The following WDR20 variants were observed in gnomAD, a reference collection of about 807,000 sequenced individuals.
WDR20 encodes the protein WD repeat-containing protein 20.
Under a neutral mutation model 38.7 loss-of-function variants are expected in WDR20, and 3 were observed. The observed-to-expected ratio is 0.08, with a 90% CI of 0.04 to 0.20. WDR20 has a LOEUF of 0.20. WDR20 is among the 10% of genes least tolerant of loss of function. WDR20 has a pLI of 1.00. For missense variants in WDR20, 559 were observed against 727.7 expected, an observed-to-expected ratio of 0.77 and a Z score of 2.67; for synonymous variants, 298 against 285.6, an observed-to-expected ratio of 1.04 and a Z score of -0.44.
At position 102,220,939 on chromosome 14, in the gene WDR20, T is replaced by A. The variant is rs772140337; in HGVS notation, c.1693-1891T>A. 1.3e-5 allele frequency among the ~76,000 whole-genome samples: 2 copies of A among 151,836 alleles called. No individual in the cohort carries two copies. The highest frequency in any genetic ancestry group is 4.8e-5 in the African/African-American group (2 of 41,314). On this transcript the variant is annotated intron_variant, in intron 3 of 3. Coordinates refer to the WDR20 transcript ENST00000335263. The surrounding 1 kb of genome is among the most constrained non-coding windows in gnomAD (Gnocchi z 4.2). ...CCGTGCGCCACCACACCCGGCTAAT[T>A]TTGTATTAGTAGAGATGGAGTTTCA...
intron 2 of WDR20, among the ~76,000 whole-genome samples, chr14:102,197,414 A>T (rs931031371): frequency 2.0e-5 from 3 of 152,190 alleles, no homozygotes; most frequent in African/African-American, 7.2e-5. Flanking sequence ...AAAGTTTTTT[A>T]AAATGTTAAG....
chr14:102,198,680 A>G (rs567985835), intron 2 of WDR20, among the ~76,000 whole-genome samples: 2 of 152,366 alleles, frequency 1.3e-5, no homozygotes, highest in South Asian at 4.1e-4. Context: ...TTTGTTTCTT[A>G]GCCTGAAGTA....
chr14:102,196,412 T>G (rs772706685), intron 2 of WDR20, among the ~76,000 whole-genome samples: 3 of 152,216 alleles, frequency 2.0e-5, no homozygotes, highest in Admixed American at 2.0e-4. Flanking sequence ...GCTGGATGAT[T>G]ATTTTTTTGG....
At chr14:102,141,940 C>T (rs1372489838) in intron 1 of WDR20, among the ~76,000 whole-genome samples, 3 of 152,052 alleles carry the variant, frequency 2.0e-5, no homozygotes, top group Non-Finnish European at 4.4e-5. Flanking sequence ...AATGTTATGA[C>T]TTCTGAAGCA....
intron 1 of WDR20, among the ~76,000 whole-genome samples, chr14:102,180,404 G>A (rs2063144187): frequency 6.6e-6 from 1 of 152,170 alleles, no homozygotes; most frequent in Non-Finnish European, 1.5e-5. Context: ...TCTTTAGAGT[G>A]TCTTGCACGT....
chr14:102,169,287 G>C (rs1459435033), intron 1 of WDR20, among the ~76,000 whole-genome samples: 1 of 152,100 alleles, frequency 6.6e-6, no homozygotes, highest in African/African-American at 2.4e-5. Context: ...CTTTCTCTTA[G>C]CCCTGCCCAG....
downstream of WDR20, among the ~76,000 whole-genome samples, chr14:102,211,302 G>A (rs1453538488): frequency 1.3e-5 from 2 of 152,232 alleles, no homozygotes; most frequent in African/African-American, 4.8e-5. This position sits in a 1 kb window ranked among gnomAD's most constrained non-coding sequence, Gnocchi z 4.2. Flanking sequence ...GCAAAGTGAA[G>A]ACCTGGTGGC....
At chr14:102,213,098 C>G, downstream of WDR20, 2 of 986,588 alleles carry the variant, frequency 2.0e-6, no homozygotes, top group Non-Finnish European at 2.4e-6. Context: ...AGGGGAGCTT[C>G]AACTCGCCCT....
At position 102,209,474 on chromosome 14, in the gene WDR20, T is replaced by C; in HGVS notation, c.1304T>C (p.Leu435Pro). The C allele has an allele frequency of 6.2e-7, 1 of 1,614,198 alleles. No homozygotes were observed. Among genetic ancestry groups the C allele is most frequent in the East Asian group, 2.2e-5 (1 of 44,892 alleles). ...VPPPLPRSNS[L>P]PHSAVSNAGS... ...CCTCCTCTGCCACGGTCCAACAGCCTTCCACATTCAGCAGTCTCAAATGCT... is the reference window on the plus strand; with the variant it reads ...CCTCCTCTGCCACGGTCCAACAGCCCTCCACATTCAGCAGTCTCAAATGCT... Residue 435 changes from leucine (L) to proline (P), a missense_variant, in exon 3 of 3, where the codon CTT (leucine) becomes CCT (proline). Physicochemically the swap from Leu to Pro is moderately conservative, Grantham distance 98. Transcript: ENST00000342702. The surrounding 1 kb of genome is among the most constrained non-coding windows in gnomAD (Gnocchi z 6.0).
downstream of WDR20, among the ~76,000 whole-genome samples, chr14:102,219,262 G>A (rs1188307097): frequency 6.6e-6 from 1 of 152,206 alleles, no homozygotes; most frequent in Non-Finnish European, 1.5e-5. Context: ...TTTTCCTCCT[G>A]TTGCCTCCAG....
intron 1 of WDR20, among the ~76,000 whole-genome samples, chr14:102,148,699 GTGTGTGTGTT>G (rs1360471230): frequency 8.5e-6 from 1 of 117,214 alleles, no homozygotes; most frequent in Non-Finnish European, 1.9e-5. Context: ...GTGTGTGTGT[GTGTGTGTGTT>G]TGGAACAGGG....
chr14:102,182,962 G>A (rs1209845758), intron 1 of WDR20, among the ~76,000 whole-genome samples: 1 of 151,492 alleles, frequency 6.6e-6, no homozygotes, highest in African/African-American at 2.4e-5. Context: ...TACTTGGGAG[G>A]CTGAGGCAGG....
intron 2 of WDR20, among the ~76,000 whole-genome samples, chr14:102,198,905 G>A (rs1033705414): frequency 1.3e-5 from 2 of 152,200 alleles, no homozygotes; most frequent in African/African-American, 4.8e-5. Context: ...CTAAGTTCGA[G>A]AGACCTGTAG....
intron 2 of WDR20, among the ~76,000 whole-genome samples, chr14:102,205,724 C>A (rs2061412062): frequency 6.6e-6 from 1 of 151,754 alleles, no homozygotes; most frequent in Admixed American, 6.6e-5. Flanking sequence ...TCCCTGCTGT[C>A]AAGCACATGA....
intron 2 of WDR20, chr14:102,198,525 G>C (rs1009416425): frequency 6.4e-6 from 1 of 155,886 alleles, no homozygotes; most frequent in East Asian, 1.9e-4. Flanking sequence ...GTAAGGAACT[G>C]GAGATGGAGC....
At chr14:102,174,564 C>G (rs952885897) in intron 1 of WDR20, among the ~76,000 whole-genome samples, 4 of 152,240 alleles carry the variant, frequency 2.6e-5, no homozygotes, top group Middle Eastern at 3.4e-3. Flanking sequence ...GGACTACAGG[C>G]GCCCGCCACC....
chr14:102,176,819 C>T (rs1205043430), intron 1 of WDR20, among the ~76,000 whole-genome samples: 1 of 151,922 alleles, frequency 6.6e-6, no homozygotes, highest in East Asian at 1.9e-4. Context: ...TTGCAAGCTC[C>T]GCCTCCCGGG....
Position 102,222,813 on chromosome 14 carries a change from G to T in WDR20, c.1693-17G>T. On this transcript the variant is annotated splice_polypyrimidine_tract_variant and intron_variant, in intron 3 of 3. Coordinates refer to the WDR20 transcript ENST00000335263. The surrounding 1 kb of genome is among the most constrained non-coding windows in gnomAD (Gnocchi z 4.4). ...TCCGGTGTTTTGCTGGATTAATGTA[G>T]ACTGCTTTGTTTGCAGGGCTCATTG... The T allele has an allele frequency of 6.2e-7, 1 of 1,614,164 alleles. No individual in the cohort carries two copies. Among genetic ancestry groups the T allele is most frequent in the East Asian group, 2.2e-5 (1 of 44,874 alleles).
downstream of WDR20, among the ~76,000 whole-genome samples, chr14:102,218,179 AC>A (rs1416949285): frequency 2.0e-5 from 3 of 152,210 alleles, no homozygotes; most frequent in African/African-American, 4.8e-5. Flanking sequence ...TGTGCGTCTT[AC>A]TTTTGTTTGG....
Sources: gnomAD v4.1 joint callset for allele counts (sites outside exome capture counted in the v4.1 genomes callset) on GRCh38, gnomAD v4.1.1 for gene constraint, Gnocchi (gnomAD v3.1) non-coding constraint, MANE v1.5 for transcripts, NCBI Gene and HGNC (gene_info 2026-07-23, HGNC 2026-07-21) for gene names.